The following ARMCX5 variants were observed in gnomAD, a reference collection of about 807,000 sequenced individuals.
ARMCX5 encodes armadillo repeat containing X-linked 5, also known as armadillo repeat-containing X-linked protein 5.
ARMCX5 carries 1 observed loss-of-function variant against 7.5 expected under a neutral mutation model. The observed-to-expected ratio is 0.13, with a 90% CI of 0.05 to 0.63. ARMCX5 has a LOEUF of 0.63. Ranked by LOEUF, ARMCX5 falls within the 30% of genes least tolerant of loss-of-function variation. The probability of loss-of-function intolerance (pLI) is 0.86; values close to 1 mark genes in which losing one functional copy is unlikely to be tolerated. For synonymous variants in ARMCX5, 149 were observed against 145.7 expected, an observed-to-expected ratio of 1.02 and a Z score of -0.16; for missense variants, 346 against 402.2, an observed-to-expected ratio of 0.86 and a Z score of 1.19.
chrX:102,601,847 A>T (rs769300984), intron 3 of ARMCX5, 33 bp from the exon 4 acceptor site: 1 of 318,674 alleles, frequency 3.1e-6, no homozygotes, highest in South Asian at 9.4e-5. Context: ...GTTGGAAGAG[A>T]CTCAAAGCCC....
At position 102,603,835 on chromosome X, in the gene ARMCX5, A is replaced by C; in HGVS notation, c.*17A>C. 2.9e-4 allele frequency: 293 copies of C among 1,012,128 alleles called. No homozygotes were observed. Among genetic ancestry groups the C allele is most frequent in the Non-Finnish European group, 3.6e-4 (268 of 753,474 alleles). The allele number at this position is 1,012,128 out of a possible 1,213,427, so 83.4% of individuals were successfully genotyped here. ...AAACTCTGAATACCCCTCTGTTCTCATAAAGCCTCAAACAGTTTTTTGGAG... is the reference window on the plus strand; with the variant it reads ...AAACTCTGAATACCCCTCTGTTCTCCTAAAGCCTCAAACAGTTTTTTGGAG... On this transcript the variant is annotated 3_prime_UTR_variant, in exon 4 of 4. Coordinates refer to ENST00000473968, the MANE Select transcript of ARMCX5 (RefSeq NM_001168478.2).
chrX:102,602,250 G>C lies in ARMCX5; in HGVS notation c.109G>C (p.Glu37Gln), dbSNP rs778633013. Residue 37 changes from glutamate to glutamine, a missense_variant, in exon 4 of 4, where the codon GAG becomes CAG. Transcript: ENST00000473968. ...TARVNGKTQA[E>Q]AVAEAELKTE... ...TAGAGTGAATGGTAAAACCCAGGCC[G>C]AGGCAGTGGCTGAGGCAGAACTGAA... 4 of 1,209,944 alleles carry C rather than the reference G, an allele frequency of 3.3e-6. No individual in the cohort carries two copies. In the African/African-American group the frequency reaches 7.0e-5, roughly 21 times the overall value.
In ARMCX5 at chrX:102,603,956, C is replaced by T; in HGVS notation, c.*138C>T. The T allele has an allele frequency of 4.4e-6, 2 of 456,820 alleles. No homozygotes were observed. The highest frequency in any genetic ancestry group is 7.7e-6 in the Non-Finnish European group (2 of 260,418). 37.6% of individuals were successfully genotyped at this position (456,820 alleles called of 1,213,427 possible). ...GGCAATTTTATGGATACCAATTAATCTTGAGATCCTGAACATGTGCTGATT... is the reference window on the plus strand; with the variant it reads ...GGCAATTTTATGGATACCAATTAATTTTGAGATCCTGAACATGTGCTGATT... On this transcript the variant is annotated 3_prime_UTR_variant, in exon 4 of 4. Coordinates refer to ENST00000473968, the MANE Select transcript of ARMCX5 (RefSeq NM_001168478.2).
chrX:102,601,498 A>T lies in ARMCX5; in HGVS notation c.-274A>T, dbSNP rs1351539443. 8.9e-6 allele frequency: 1 copy of T among 111,899 alleles called. No homozygotes were observed. Among genetic ancestry groups the T allele is most frequent in the Non-Finnish European group, 1.9e-5 (1 of 53,362 alleles). The allele number at this position is 111,899 out of a possible 1,213,427, so 9.2% of individuals were successfully genotyped here. A position where few individuals can be genotyped will look rare whatever the true frequency, so the allele number is the denominator to read the frequency against. ...TAGATCTGCTGTAGGGCTTGTCACC[A>T]TTGGAAGCAAGGTAAGGAGGAGAAA... On this transcript the variant is annotated 5_prime_UTR_variant, in exon 3 of 4. Coordinates refer to ENST00000473968, the MANE Select transcript of ARMCX5 (RefSeq NM_001168478.2).
At position 102,602,940 on chromosome X, in the gene ARMCX5, A is replaced by T. The variant is rs143305512; in HGVS notation, c.799A>T (p.Ile267Phe). The T allele has an allele frequency of 5.0e-6, 6 of 1,209,174 alleles. No individual in the cohort carries two copies. The African/African-American group carries it at 7.0e-5, about 14-fold the overall frequency. Reference sequence around the variant, plus strand: ...TCTGGGGATTCGACCTTTGACCAAGATCCCACCTTATCATGGGCCTTATTA... The same window carrying T: ...TCTGGGGATTCGACCTTTGACCAAGTTCCCACCTTATCATGGGCCTTATTA... Reference protein sequence around the residue: ...TPLGIRPLTKIPPYHGPYYQT... With the variant: ...TPLGIRPLTKFPPYHGPYYQT... The change falls in exon 4 of 4, where the codon ATC becomes TTC. Residue 267 changes from isoleucine to phenylalanine, a missense_variant. Ile to Phe is a conservative substitution (Grantham distance 21, BLOSUM62 0). This residue lies in a region of ARMCX5 where 204 missense variants were observed against 244.3 expected (regional missense o/e 0.83). Coordinates refer to ENST00000473968, the MANE Select transcript of ARMCX5 (RefSeq NM_001168478.2).
chrX:102,603,419 T>C lies in ARMCX5; in HGVS notation c.1278T>C (p.Asp426=). 1 of 1,209,848 alleles carries C rather than the reference T, an allele frequency of 8.3e-7. No individual in the cohort carries two copies. The highest frequency in any genetic ancestry group is 1.1e-6 in the Non-Finnish European group (1 of 894,179). ...GGCACTTGAGTATAAAATTTGAAGA[T>C]CACTATGTGATTACCAGTTATATTC... ...LLGHLSIKFE[D]HYVITSYIPD... Residue 426 remains aspartate (D), a synonymous_variant, in exon 4 of 4, where the codon GAT becomes GAC. Coordinates refer to ENST00000473968, the MANE Select transcript of ARMCX5 (RefSeq NM_001168478.2).
chrX:102,602,557 A>G lies in ARMCX5; in HGVS notation c.416A>G (p.Lys139Arg). The G allele has an allele frequency of 8.3e-7, 1 of 1,211,700 alleles. No homozygotes were observed. The highest frequency in any genetic ancestry group is 1.1e-6 in the Non-Finnish European group (1 of 895,363). ...GAGGCAAATATTAGGTCCTATGCCA[A>G]GTCACATGATAAGGCCAATACTGGG... The part of the protein sequence containing the change: ...VIEANIRSYA[K>R]SHDKANTGSR... Residue 139 changes from lysine to arginine, a missense_variant, in exon 4 of 4, where the codon AAG becomes AGG. Lys to Arg is a conservative substitution (Grantham distance 26). Coordinates refer to ENST00000473968, the MANE Select transcript of ARMCX5 (RefSeq NM_001168478.2).
Position 102,599,757 on chromosome X carries a change from C to T in ARMCX5, c.-512C>T. On this transcript the variant is annotated 5_prime_UTR_variant, in exon 1 of 4. Transcript: ENST00000473968. Reference sequence around the variant, plus strand: ...CACAGCCGCCGCCATTGCCTCGAGTCCTTGTGTCTGACTGTCTGTTCCTGC... The same window carrying T: ...CACAGCCGCCGCCATTGCCTCGAGTTCTTGTGTCTGACTGTCTGTTCCTGC... 9.3e-6 allele frequency: 1 copy of T among 107,442 alleles called. No individual in the cohort carries two copies. Among genetic ancestry groups the T allele is most frequent in the East Asian group, 3.0e-4 (1 of 3,359 alleles). 8.9% of individuals were successfully genotyped at this position (107,442 alleles called of 1,213,427 possible).
At chrX:102,601,285 G>C (rs754321381) in intron 2 of ARMCX5, 179 bp from the exon 3 acceptor site, 1 of 111,535 alleles carries the variant, frequency 9.0e-6, no homozygotes, top group Admixed American at 9.6e-5. Flanking sequence ...TGAAGAGGAA[G>C]ATGGTGGGCA....
intron 1 of ARMCX5, chrX:102,600,286 GTGTATCACGCGTTTT>G (rs779594464): frequency 9.0e-6 from 1 of 110,832 alleles, no homozygotes; most frequent in African/African-American, 3.3e-5. Flanking sequence ...TTCTTTGGGT[GTGTATCACGCGTTTT>G]TATGTGTAAA....
Position 102,602,113 on chromosome X carries a change from A to G in ARMCX5, c.-29A>G, listed in dbSNP as rs1043865370. The G allele has an allele frequency of 2.1e-5, 24 of 1,149,567 alleles. No individual in the cohort carries two copies. The highest frequency in any genetic ancestry group is 2.6e-5 in the Non-Finnish European group (22 of 853,120). 94.7% of individuals were successfully genotyped at this position (1,149,567 alleles called of 1,213,427 possible). ...TCAAGGCTGAGACGGGTGGGGGTAT[A>G]TAACTTGTCCTTACGTTAAACTTGG... On this transcript the variant is annotated 5_prime_UTR_variant, in exon 4 of 4. The change creates a new upstream start codon in the 5' untranslated region. Coordinates refer to ENST00000473968, the MANE Select transcript of ARMCX5 (RefSeq NM_001168478.2).
chrX:102,600,281 T>C (rs2081018250), intron 1 of ARMCX5: 1 of 110,832 alleles, frequency 9.0e-6, no homozygotes, highest in South Asian at 3.9e-4. Flanking sequence ...ATTTGTTCTT[T>C]GGGTGTGTAT....
In ARMCX5 at chrX:102,599,545, T is replaced by TGGAAGAACCTCGTCTGC. The variant is rs1178140044; in HGVS notation, c.-720_-704dup. On this transcript the variant is annotated 5_prime_UTR_variant, in exon 1 of 4. Coordinates refer to ENST00000473968, the MANE Select transcript of ARMCX5 (RefSeq NM_001168478.2). ...ACTGCCGTTGTGGGTAACGCGGACG[T>TGGAAGAACCTCGTCTGC]GGAAGAACCTCGTCTGCGGAGGAAA... 9.1e-6 allele frequency: 1 copy of TGGAAGAACCTCGTCTGC among 109,795 alleles called. No individual in the cohort carries two copies. Among genetic ancestry groups the TGGAAGAACCTCGTCTGC allele is most frequent in the Non-Finnish European group, 1.9e-5 (1 of 52,728 alleles). 9.0% of individuals were successfully genotyped at this position (109,795 alleles called of 1,213,427 possible).
At chrX:102,601,321 C>T (rs1399912321) in intron 2 of ARMCX5, 143 bp from the exon 3 acceptor site, 1 of 111,542 alleles carries the variant, frequency 9.0e-6, no homozygotes, top group Non-Finnish European at 1.9e-5. Context: ...AGGAGTAGCC[C>T]TGAAACAAAG....
Position 102,603,452 on chromosome X carries a change from C to T in ARMCX5, c.1311C>T (p.Phe437=), listed in dbSNP as rs768611251. ...TGATTACCAGTTATATTCCAGATTT[C>T]CTCACCTTGTTAAACAAGGGAAGTG... ...HYVITSYIPD[F]LTLLNKGSVK... The change falls in exon 4 of 4, where the codon TTC becomes TTT. Residue 437 remains phenylalanine, a synonymous_variant. Coordinates refer to ENST00000473968, the MANE Select transcript of ARMCX5 (RefSeq NM_001168478.2). 1 of 1,207,611 alleles carries T rather than the reference C, an allele frequency of 8.3e-7. No homozygotes were observed. The highest frequency in any genetic ancestry group is 3.0e-5 in the East Asian group (1 of 33,794).
rs1313149684 is a variant in ARMCX5 at position 102,601,933 on chromosome X, C to T, written c.-209C>T. 2.0e-5 allele frequency: 8 copies of T among 408,972 alleles called. No homozygotes were observed. The highest frequency in any genetic ancestry group is 3.4e-5 in the Non-Finnish European group (8 of 237,219). The allele number at this position is 408,972 out of a possible 1,213,427, so 33.7% of individuals were successfully genotyped here. A position where few individuals can be genotyped will look rare whatever the true frequency, so the allele number is the denominator to read the frequency against. On this transcript the variant is annotated 5_prime_UTR_variant, in exon 4 of 4. Coordinates refer to ENST00000473968, the MANE Select transcript of ARMCX5 (RefSeq NM_001168478.2). Reference sequence around the variant, plus strand: ...CTTGGAGTGGCTGAAGACCACCACCCTCCACAGGGCTGGGCCCATGCACAG... The same window carrying T: ...CTTGGAGTGGCTGAAGACCACCACCTTCCACAGGGCTGGGCCCATGCACAG...
At position 102,602,071 on chromosome X, in the gene ARMCX5, C is replaced by T; in HGVS notation, c.-71C>T. The T allele has an allele frequency of 1.0e-6, 1 of 962,367 alleles. No homozygotes were observed. The highest frequency in any genetic ancestry group is 2.3e-5 in the South Asian group (1 of 43,843). The allele number at this position is 962,367 out of a possible 1,213,427, so 79.3% of individuals were successfully genotyped here. A position where few individuals can be genotyped will look rare whatever the true frequency, so the allele number is the denominator to read the frequency against. The stretch of plus-strand genomic sequence containing the variant: ...ACTGGACTTTGTGTGAAAACACCAA[C>T]CGGGACAAAACTTCAGTCAAGGCTG... On this transcript the variant is annotated 5_prime_UTR_variant, in exon 4 of 4. Coordinates refer to ENST00000473968, the MANE Select transcript of ARMCX5 (RefSeq NM_001168478.2).
At chrX:102,600,032 A>G (rs1236140398) in intron 1 of ARMCX5, 185 bp downstream of exon 1, 2 of 105,234 alleles carry the variant, frequency 1.9e-5, no homozygotes, top group Non-Finnish European at 3.9e-5. Context: ...CACTCGGTTC[A>G]CCTCAGACCA....
intron 3 of ARMCX5, 77 bp from the exon 4 acceptor site, chrX:102,601,803 G>T (rs2081044223): frequency 4.5e-6 from 1 of 224,617 alleles, no homozygotes; most frequent in Non-Finnish European, 8.1e-6. Context: ...ATATTCTCCT[G>T]TCTCCCTGTG....
Sources: allele counts gnomAD v4.1 joint callset, GRCh38; gene constraint gnomAD v4.1.1; regional missense constraint gnomAD v4.1.1; transcripts MANE v1.5; gene names NCBI Gene and HGNC (gene_info 2026-07-23, HGNC 2026-07-21).